The following MEF2A variants were observed in gnomAD, a reference collection of about 807,000 sequenced individuals.
MEF2A encodes myocyte-specific enhancer factor 2A.
A neutral mutation model predicts 55.8 loss-of-function variants in MEF2A; 28 were observed. The observed-to-expected ratio is 0.50, with a 90% CI of 0.37 to 0.69. The LOEUF (loss-of-function observed/expected upper bound fraction) is 0.69. Ranked by LOEUF, MEF2A falls within the 30% of genes least tolerant of loss-of-function variation. The probability of loss-of-function intolerance (pLI) is 0.00; values close to 1 mark genes in which losing one functional copy is unlikely to be tolerated. For missense variants in MEF2A, 528 were observed against 626.2 expected (o/e 0.84, Z 1.67); for synonymous variants, 239 against 227.1 (o/e 1.05, Z -0.47).
chr15:99,629,050 G>A (rs1393218613), intron 2 of MEF2A, among the ~76,000 whole-genome samples: 1 of 150,644 alleles, frequency 6.6e-6, no homozygotes. Flanking sequence ...CTGTCTTCTG[G>A]CTTTTATTAT....
At chr15:99,676,696 A>T (rs955163198) in intron 7 of MEF2A, among the ~76,000 whole-genome samples, 19 of 151,704 alleles carry the variant, frequency 1.3e-4, no homozygotes, top group Non-Finnish European at 7.4e-5. Context: ...CAGCCTCCCG[A>T]GTAGCTGGGA....
chr15:99,641,292 G>A (rs1222468554), intron 3 of MEF2A, among the ~76,000 whole-genome samples: 1 of 152,180 alleles, frequency 6.6e-6, no homozygotes, highest in Non-Finnish European at 1.5e-5. Flanking sequence ...CAGAGCTTTT[G>A]TACTGCCCAG....
chr15:99,627,187 G>A (rs894752632), intron 2 of MEF2A, among the ~76,000 whole-genome samples: 23 of 151,890 alleles, frequency 1.5e-4, no homozygotes, highest in Admixed American at 3.9e-4. Context: ...GGAACACGAA[G>A]TGGGTTAGGG....
intron 2 of MEF2A, among the ~76,000 whole-genome samples, chr15:99,622,725 T>C (rs906418624): frequency 4.6e-4 from 69 of 151,214 alleles, no homozygotes; most frequent in African/African-American, 1.6e-3. Flanking sequence ...TTTTTTGAGA[T>C]GGAGTCTCGC....
intron 2 of MEF2A, among the ~76,000 whole-genome samples, chr15:99,627,089 G>A (rs1173743425): frequency 2.0e-5 from 3 of 152,030 alleles, no homozygotes; most frequent in Non-Finnish European, 2.9e-5. Context: ...GTCTTCAGGG[G>A]TCAGATTTTG....
chr15:99,609,012 C>T (rs1280605630), intron 2 of MEF2A, among the ~76,000 whole-genome samples: 2 of 152,188 alleles, frequency 1.3e-5, no homozygotes, highest in African/African-American at 2.4e-5. Context: ...TTAGAGGTAT[C>T]ATAGCTAGAC....
intron 3 of MEF2A, among the ~76,000 whole-genome samples, chr15:99,639,083 A>G (rs560232441): frequency 8.6e-4 from 129 of 149,948 alleles, no homozygotes; most frequent in African/African-American, 3.1e-3. Flanking sequence ...GTTTTTTCCA[A>G]AGGTTCCAAA....
chr15:99,689,683 G>A (rs1346160369), intron 7 of MEF2A, among the ~76,000 whole-genome samples: 1 of 152,100 alleles, frequency 6.6e-6, no homozygotes, highest in Non-Finnish European at 1.5e-5. Context: ...GTTTCAACAT[G>A]TTGGCCAAGC....
At chr15:99,658,316 G>T (rs1002625542) in intron 4 of MEF2A, among the ~76,000 whole-genome samples, 6 of 152,148 alleles carry the variant, frequency 3.9e-5, no homozygotes, top group Non-Finnish European at 8.8e-5. Context: ...AAACATGGTG[G>T]AAGTAGATTT....
At chr15:99,656,904 C>G (rs1470090252) in intron 4 of MEF2A, among the ~76,000 whole-genome samples, 2 of 152,058 alleles carry the variant, frequency 1.3e-5, no homozygotes, top group Admixed American at 1.3e-4. Context: ...CTATCTAATT[C>G]TAGAACATTT....
At chr15:99,612,220 C>T (rs1445536704) in intron 2 of MEF2A, among the ~76,000 whole-genome samples, 5 of 152,070 alleles carry the variant, frequency 3.3e-5, no homozygotes, top group South Asian at 2.1e-4. Flanking sequence ...TCGAGACTAT[C>T]CTGGCTAACA....
At chr15:99,622,702 C>CTTTCTTTTT (rs1555461506) in intron 2 of MEF2A, among the ~76,000 whole-genome samples, 1 of 135,700 alleles carries the variant, frequency 7.4e-6, no homozygotes, top group African/African-American at 2.6e-5. Flanking sequence ...GTTTTCTTTT[C>CTTTCTTTTT]TTTTTTTTTT....
intron 3 of MEF2A, among the ~76,000 whole-genome samples, chr15:99,636,237 C>T (rs1423536165): frequency 6.6e-6 from 1 of 152,084 alleles, no homozygotes; most frequent in Non-Finnish European, 1.5e-5. Flanking sequence ...AATGGGCTGC[C>T]TGCTTTTTTC....
intron 1 of MEF2A, among the ~76,000 whole-genome samples, chr15:99,580,003 A>G (rs1965462159): frequency 6.6e-6 from 1 of 152,122 alleles, no homozygotes; most frequent in African/African-American, 2.4e-5. Context: ...AATCAAGAGA[A>G]TTTTGAAATT....
At chr15:99,571,248 C>T (rs908949252) in intron 1 of MEF2A, among the ~76,000 whole-genome samples, 5 of 151,348 alleles carry the variant, frequency 3.3e-5, no homozygotes, top group South Asian at 4.1e-4. Flanking sequence ...ACCCACTGTT[C>T]TTACTGTGTT....
At chr15:99,622,225 T>C (rs1453430700) in intron 2 of MEF2A, among the ~76,000 whole-genome samples, 1 of 152,156 alleles carries the variant, frequency 6.6e-6, no homozygotes, top group African/African-American at 2.4e-5. Flanking sequence ...TACCTGAGTA[T>C]TCAGTTTAAA....
chr15:99,706,416 CAGTATTTGT>C (rs2058049843), intron 9 of MEF2A, among the ~76,000 whole-genome samples: 1 of 152,164 alleles, frequency 6.6e-6, no homozygotes, highest in Non-Finnish European at 1.5e-5. Flanking sequence ...GGGAGTCTGA[CAGTATTTGT>C]AGTGGCATCA....
At chr15:99,677,732 C>T (rs992140413) in intron 7 of MEF2A, among the ~76,000 whole-genome samples, 15 of 152,184 alleles carry the variant, frequency 9.9e-5, no homozygotes, top group Middle Eastern at 3.4e-3. Flanking sequence ...TAAAACTCAA[C>T]GTGGAATACA....
At chr15:99,575,133 A>C (rs1963866572) in intron 1 of MEF2A, among the ~76,000 whole-genome samples, 2 of 152,074 alleles carry the variant, frequency 1.3e-5, no homozygotes, top group Non-Finnish European at 2.9e-5. Flanking sequence ...ACCCCTAAAT[A>C]CTTCAACTGA....
Sources: gnomAD v4.1 joint callset for allele counts (sites outside exome capture counted in the v4.1 genomes callset) on GRCh38, gnomAD v4.1.1 for gene constraint, MANE v1.5 for transcripts, NCBI Gene and HGNC (gene_info 2026-07-23, HGNC 2026-07-21) for gene names.